KIAA2012: variants seen among roughly 807,000 people sequenced by gnomAD.
The protein encoded by KIAA2012 is KIAA2012, also known as uncharacterized protein KIAA2012.
In KIAA2012, 125 loss-of-function variants were observed where a neutral mutation model predicts 150.6. The ratio of observed to expected loss-of-function variants is 0.83; its 90% CI spans 0.72 to 0.96. The LOEUF (loss-of-function observed/expected upper bound fraction) is 0.96, where lower values mean the gene tolerates loss of function less well. Ranked by LOEUF, KIAA2012 falls within the 40% of genes least tolerant of loss-of-function variation. The pLI is 0.00. For missense variants in KIAA2012, 1,219 were observed against 1,354.9 expected, an observed-to-expected ratio of 0.90 and a Z score of 1.57; for synonymous variants, 462 against 504.7, an observed-to-expected ratio of 0.92 and a Z score of 1.13.
intron 15 of KIAA2012, among the ~76,000 whole-genome samples, chr2:202,174,061 G>A (rs1465743407): frequency 6.6e-6 from 1 of 152,128 alleles, no homozygotes; most frequent in East Asian, 1.9e-4. Flanking sequence ...TGCCTCCCAG[G>A]TTCAAGCAAT....
chr2:202,149,171 C>T (rs2105949628), intron 13 of KIAA2012, among the ~76,000 whole-genome samples: 1 of 152,304 alleles, frequency 6.6e-6, no homozygotes. Flanking sequence ...GACTAAATCT[C>T]TCAGATCTCT....
At chr2:202,203,620 A>G (rs1056959505) in intron 23 of KIAA2012, among the ~76,000 whole-genome samples, 1 of 152,222 alleles carries the variant, frequency 6.6e-6, no homozygotes, top group African/African-American at 2.4e-5. Flanking sequence ...ACAGATGTAG[A>G]ATATTTCCAT....
At chr2:202,114,693 CAT>C (rs1403478238) in intron 11 of KIAA2012, 4 of 165,376 alleles carry the variant, frequency 2.4e-5, no homozygotes, top group Admixed American at 6.5e-5. Context: ...TAGTCCCTGA[CAT>C]ATACATAGAA....
intron 22 of KIAA2012, chr2:202,202,019 C>A (rs1692539868): frequency 3.5e-6 from 2 of 577,048 alleles, no homozygotes; most frequent in Admixed American, 3.0e-5. Flanking sequence ...GGCGCTGCCG[C>A]CGCAGTTTTT....
At chr2:202,115,961 G>T (rs1034171812) in intron 11 of KIAA2012, 16 of 151,948 alleles carry the variant, frequency 1.1e-4, no homozygotes, top group African/African-American at 3.9e-4. Flanking sequence ...GACCCTTTTG[G>T]TCATGTTGGG....
At chr2:202,074,859 GGCT>G in intron 1 of KIAA2012, 29 bp from the exon 2 acceptor site, 1 of 1,518,708 alleles carries the variant, frequency 6.6e-7, no homozygotes, top group Non-Finnish European at 8.8e-7. Flanking sequence ...CTTCCACAGT[GGCT>G]CCGTCAAAGT....
chr2:202,150,852 C>A (rs1334147825), intron 13 of KIAA2012, among the ~76,000 whole-genome samples: 1 of 152,204 alleles, frequency 6.6e-6, no homozygotes, highest in Non-Finnish European at 1.5e-5. Context: ...TCCTTCCCTT[C>A]CATTTAACCT....
chr2:202,184,001 CTTT>C (rs1692176115), intron 15 of KIAA2012, among the ~76,000 whole-genome samples: 1 of 152,008 alleles, frequency 6.6e-6, no homozygotes, highest in African/African-American at 2.4e-5. Context: ...GCTTATTTAT[CTTT>C]TTAACCATAA....
At chr2:202,178,027 T>C (rs1447556559) in intron 15 of KIAA2012, among the ~76,000 whole-genome samples, 1 of 152,132 alleles carries the variant, frequency 6.6e-6, no homozygotes, top group Non-Finnish European at 1.5e-5. Context: ...GGTGAAACCC[T>C]GTCTGTAGTA....
intron 22 of KIAA2012, among the ~76,000 whole-genome samples, chr2:202,199,729 C>T (rs759126981): frequency 7.2e-5 from 11 of 152,018 alleles, no homozygotes; most frequent in Non-Finnish European, 1.5e-4. Flanking sequence ...GGATTCAAGT[C>T]GTTTTGTAGT....
chr2:202,165,435 T>C (rs1691737125), intron 15 of KIAA2012, 79 bp downstream of exon 15: 1 of 1,414,522 alleles, frequency 7.1e-7, no homozygotes, highest in Admixed American at 2.0e-5. Context: ...AAGATGTTAA[T>C]GGGAGGCCAG....
chr2:202,109,645 C>CCT lies in KIAA2012; in HGVS notation c.1508_1509insTC (p.Leu504HisfsTer37). 1 of 1,549,162 alleles carries CCT rather than the reference C, an allele frequency of 6.5e-7. No homozygotes were observed. The highest frequency in any genetic ancestry group is 8.7e-7 in the Non-Finnish European group (1 of 1,146,428). ...TGCCCCACCTCACGATGTGGCCCCA[C>CCT]CATTGGATCTTCTACCCCCGATTAA... On this transcript the variant is annotated frameshift_variant, in exon 10 of 24. Coordinates refer to ENST00000498697, the MANE Select transcript of KIAA2012 (RefSeq NM_001277372.4). LOFTEE classifies it high-confidence loss of function.
At chr2:202,196,195 T>TC (rs1692410988) in intron 21 of KIAA2012, among the ~76,000 whole-genome samples, 1 of 131,902 alleles carries the variant, frequency 7.6e-6, no homozygotes, top group African/African-American at 2.9e-5. Flanking sequence ...TCTTTTTTTT[T>TC]TTTTTTTTTT....
At chr2:202,102,473 G>A (rs1690071983) in intron 7 of KIAA2012, among the ~76,000 whole-genome samples, 2 of 152,152 alleles carry the variant, frequency 1.3e-5, no homozygotes, top group African/African-American at 2.4e-5. Context: ...GTTTTACAGA[G>A]GAAGAAATTG....
chr2:202,081,081 A>G (rs1235046346), intron 2 of KIAA2012, among the ~76,000 whole-genome samples: 1 of 152,224 alleles, frequency 6.6e-6, no homozygotes, highest in Non-Finnish European at 1.5e-5. Context: ...CATATAAGTG[A>G]AAGCATACAG....
At chr2:202,129,767 C>T (rs1359067337) in intron 12 of KIAA2012, among the ~76,000 whole-genome samples, 2 of 151,910 alleles carry the variant, frequency 1.3e-5, no homozygotes, top group African/African-American at 4.8e-5. Flanking sequence ...GGCTAGGATT[C>T]AAGACCACCC....
At position 202,133,110 on chromosome 2, in the gene KIAA2012, AT is replaced by A. The variant is rs1266184703; in HGVS notation, c.1832-5321del. ...ACAGTGTGAGACTGTCTAAAAAAAA[AT>A]ATATATATATATATATATATTTTTT... is the stretch of plus-strand genomic sequence containing the variant. On this transcript the variant is annotated intron_variant, in intron 12 of 23. Coordinates refer to ENST00000498697, the MANE Select transcript of KIAA2012 (RefSeq NM_001277372.4). Among the ~76,000 whole-genome samples the A allele has an allele frequency of 3.6e-4, 25 of 70,272 alleles. 1 individual carries two copies. The highest frequency in any genetic ancestry group is 5.8e-4 in the African/African-American group (10 of 17,342). 46.1% of individuals were successfully genotyped at this position (70,272 alleles called of 152,430 possible). A position where few individuals can be genotyped will look rare whatever the true frequency, so the allele number is the denominator to read the frequency against.
intron 13 of KIAA2012, among the ~76,000 whole-genome samples, chr2:202,154,303 A>G (rs559035692): frequency 6.6e-6 from 1 of 152,390 alleles, no homozygotes; most frequent in Non-Finnish European, 1.5e-5. Flanking sequence ...TGGTAATTTT[A>G]GCTCTGCCAT....
intron 12 of KIAA2012, among the ~76,000 whole-genome samples, chr2:202,129,395 A>G (rs1559214244): frequency 6.6e-6 from 1 of 151,640 alleles, no homozygotes; most frequent in Non-Finnish European, 1.5e-5. Context: ...AATTTTTGTA[A>G]TTTTAGTAGA....
Sources: gnomAD v4.1 joint callset for allele counts (sites outside exome capture counted in the v4.1 genomes callset) on GRCh38, gnomAD v4.1.1 for gene constraint, MANE v1.5 for transcripts, NCBI Gene and HGNC (gene_info 2026-07-23, HGNC 2026-07-21) for gene names.